STX8: variants seen among roughly 807,000 people sequenced by gnomAD.
STX8 encodes the protein syntaxin 8, also known as syntaxin-8.
In STX8, 23 loss-of-function variants were observed where a neutral mutation model predicts 37.5. The observed-to-expected ratio is 0.61, with a 90% CI of 0.44 to 0.87. The LOEUF (loss-of-function observed/expected upper bound fraction) is 0.87. STX8 is among the 40% of genes least tolerant of loss of function. The pLI is 0.00. For missense variants in STX8, 313 were observed against 284.7 expected, an observed-to-expected ratio of 1.10 and a Z score of -0.71; for synonymous variants, 115 against 99.1, an observed-to-expected ratio of 1.16 and a Z score of -0.95.
At chr17:9,264,396 C>CAGAAGG (rs1907155908) in intron 7 of STX8, among the ~76,000 whole-genome samples, 2 of 152,228 alleles carry the variant, frequency 1.3e-5, no homozygotes, top group Non-Finnish European at 2.9e-5. Flanking sequence ...CCTCCACCTT[C>CAGAAGG]TGAGCTCAAG....
At chr17:9,333,458 G>A (rs1910026374) in intron 7 of STX8, among the ~76,000 whole-genome samples, 1 of 152,110 alleles carries the variant, frequency 6.6e-6, no homozygotes, top group Admixed American at 6.5e-5. Flanking sequence ...CATGATCTCG[G>A]CTCACTGCAA....
At chr17:9,560,391 C>G (rs1232434606) in intron 2 of STX8, among the ~76,000 whole-genome samples, 1 of 81,690 alleles carries the variant, frequency 1.2e-5, no homozygotes, top group African/African-American at 3.7e-5. Flanking sequence ...GAGCAAGACT[C>G]CATCTCAAAA....
chr17:9,332,374 G>C (rs1175297579), intron 7 of STX8, among the ~76,000 whole-genome samples: 1 of 152,174 alleles, frequency 6.6e-6, no homozygotes, highest in Non-Finnish European at 1.5e-5. Context: ...CAAATCATCA[G>C]ATCGACGTGC....
chr17:9,319,164 A>G (rs1449393769), intron 7 of STX8, among the ~76,000 whole-genome samples: 2 of 152,324 alleles, frequency 1.3e-5, no homozygotes, highest in East Asian at 3.9e-4. Flanking sequence ...AACTAAAGAA[A>G]ATCCCAGGAC....
At chr17:9,436,316 G>A (rs528769521) in intron 6 of STX8, among the ~76,000 whole-genome samples, 2 of 150,218 alleles carry the variant, frequency 1.3e-5, no homozygotes, top group Admixed American at 1.3e-4. Flanking sequence ...CTGCGCTCCA[G>A]CTTGGGCGCA....
Position 9,293,848 on chromosome 17 carries a change from GC to G in STX8, c.644-43204del, listed in dbSNP as rs559318327. ...ACGATCTTGGCTCACTGCAAGCTCCGCCTCCCGGGTTCACGCCATTCTGCTG... is the reference window on the plus strand; with the variant it reads ...ACGATCTTGGCTCACTGCAAGCTCCGCTCCCGGGTTCACGCCATTCTGCTG... On this transcript the variant is annotated intron_variant, in intron 7 of 7. Coordinates refer to ENST00000306357, the MANE Select transcript of STX8 (RefSeq NM_004853.3). 1.6e-4 allele frequency among the ~76,000 whole-genome samples: 24 copies of G among 151,390 alleles called. No homozygotes were observed. The South Asian group carries it at 4.8e-3, about 30-fold the overall frequency.
intron 6 of STX8, among the ~76,000 whole-genome samples, chr17:9,433,690 T>G: frequency 1.4e-5 from 2 of 141,084 alleles, no homozygotes; most frequent in East Asian, 2.5e-4. Context: ...CTTCAGGGGG[T>G]CACAGATATT....
At chr17:9,431,868 C>T (rs538229239) in intron 6 of STX8, among the ~76,000 whole-genome samples, 3 of 152,122 alleles carry the variant, frequency 2.0e-5, no homozygotes, top group Non-Finnish European at 4.4e-5. Context: ...CTTTTCCTTT[C>T]TGAAGTCAGA....
At chr17:9,492,465 G>GT (rs1367240440) in intron 5 of STX8, among the ~76,000 whole-genome samples, 3 of 152,190 alleles carry the variant, frequency 2.0e-5, no homozygotes, top group African/African-American at 7.2e-5. Context: ...ACTGACGGCC[G>GT]TATTTCTCAA....
intron 4 of STX8, among the ~76,000 whole-genome samples, chr17:9,516,847 C>G (rs1266826137): frequency 1.3e-5 from 2 of 152,166 alleles, no homozygotes; most frequent in African/African-American, 4.8e-5. Flanking sequence ...CTGGGCAATT[C>G]CAAAAACCTC....
chr17:9,327,697 A>T (rs1909825457), intron 7 of STX8, among the ~76,000 whole-genome samples: 2 of 152,100 alleles, frequency 1.3e-5, no homozygotes. Context: ...TGTTTCTGAG[A>T]TGAAGTCTCA....
At chr17:9,336,321 T>A (rs913431198) in intron 7 of STX8, among the ~76,000 whole-genome samples, 1 of 152,200 alleles carries the variant, frequency 6.6e-6, no homozygotes, top group African/African-American at 2.4e-5. Context: ...AAAACGACCA[T>A]GCCAGGAATG....
chr17:9,387,715 G>A (rs1432960796), intron 6 of STX8, among the ~76,000 whole-genome samples: 5 of 152,270 alleles, frequency 3.3e-5, no homozygotes, highest in Non-Finnish European at 5.9e-5. Flanking sequence ...TCACGCAACC[G>A]AATACAATCA....
chr17:9,453,098 G>C (rs574904175), intron 6 of STX8, among the ~76,000 whole-genome samples: 1 of 152,018 alleles, frequency 6.6e-6, no homozygotes, highest in African/African-American at 2.4e-5. Context: ...GAGCCACCGC[G>C]CCTGGCCAGG....
At chr17:9,393,521 AT>A (rs1260133746) in intron 6 of STX8, among the ~76,000 whole-genome samples, 3 of 152,236 alleles carry the variant, frequency 2.0e-5, no homozygotes, top group Non-Finnish European at 4.4e-5. Flanking sequence ...AGTATAATAC[AT>A]AAGACAATTA....
intron 7 of STX8, among the ~76,000 whole-genome samples, chr17:9,298,376 G>A (rs1487084345): frequency 6.6e-6 from 1 of 152,190 alleles, no homozygotes; most frequent in East Asian, 1.9e-4. Context: ...CAATGGAAAG[G>A]CTGATGAGGA....
chr17:9,517,491 A>G (rs1427657952), intron 4 of STX8, among the ~76,000 whole-genome samples: 2 of 152,216 alleles, frequency 1.3e-5, no homozygotes, highest in Non-Finnish European at 2.9e-5. Context: ...TGTGAATCGC[A>G]CACAGCCCTG....
chr17:9,364,602 C>T (rs1167700784), intron 7 of STX8, among the ~76,000 whole-genome samples: 2 of 152,100 alleles, frequency 1.3e-5, no homozygotes, highest in Non-Finnish European at 2.9e-5. Flanking sequence ...GCGATCTTGG[C>T]TCACTGCAAC....
chr17:9,364,939 C>T (rs1429670375), intron 7 of STX8, among the ~76,000 whole-genome samples: 1 of 151,394 alleles, frequency 6.6e-6, no homozygotes, highest in Non-Finnish European at 1.5e-5. Flanking sequence ...AAATAGATTT[C>T]ATTATTATTT....
Sources: gnomAD v4.1 joint callset for allele counts (sites outside exome capture counted in the v4.1 genomes callset) on GRCh38, gnomAD v4.1.1 for gene constraint, MANE v1.5 for transcripts, NCBI Gene and HGNC (gene_info 2026-07-23, HGNC 2026-07-21) for gene names.